EPHA4: variants seen among roughly 807,000 people sequenced by gnomAD.
The protein encoded by EPHA4 is EPH receptor A4.
EPHA4 carries 19 observed loss-of-function variants against 108.3 expected under a neutral mutation model. That is an observed-to-expected ratio of 0.18 (90% CI 0.12 to 0.26). The LOEUF (loss-of-function observed/expected upper bound fraction) is 0.26, where lower values mean the gene tolerates loss of function less well. EPHA4 is among the 10% of genes least tolerant of loss of function. EPHA4 has a pLI of 1.00. For missense variants in EPHA4, 917 were observed against 1,254.0 expected, an observed-to-expected ratio of 0.73 and a Z score of 4.06; for synonymous variants, 449 against 455.5, an observed-to-expected ratio of 0.99 and a Z score of 0.18.
intron 3 of EPHA4, among the ~76,000 whole-genome samples, chr2:221,531,733 C>CTAAT (rs66509429): frequency 7.6e-5 from 1 of 13,104 alleles, no homozygotes; most frequent in African/African-American, 1.4e-3. Flanking sequence ...TACATTCGGC[C>CTAAT]TAATTTCTAT....
At chr2:221,420,804 G>C (rs1689736990) in intron 17 of EPHA4, among the ~76,000 whole-genome samples, 1 of 152,060 alleles carries the variant, frequency 6.6e-6, no homozygotes, top group African/African-American at 2.4e-5. Flanking sequence ...CCATTATATG[G>C]ATGAGGAAAT....
At chr2:221,522,014 C>CA (rs1343601280) in intron 3 of EPHA4, among the ~76,000 whole-genome samples, 2 of 151,988 alleles carry the variant, frequency 1.3e-5, no homozygotes, top group Non-Finnish European at 2.9e-5. Flanking sequence ...AACAAATAAA[C>CA]AAAAAACCCA....
intron 8 of EPHA4, among the ~76,000 whole-genome samples, chr2:221,450,596 A>T (rs1690749814): frequency 6.6e-6 from 1 of 152,068 alleles, no homozygotes; most frequent in Admixed American, 6.6e-5. Context: ...CAACTAACTC[A>T]CCATGTGACC....
chr2:221,560,304 A>C (rs1042726138), intron 3 of EPHA4, among the ~76,000 whole-genome samples: 4 of 152,174 alleles, frequency 2.6e-5, no homozygotes, highest in African/African-American at 9.7e-5. Flanking sequence ...AGAGTTCTGA[A>C]GACTTGGCCA....
chr2:221,441,523 A>G (rs1690428444), intron 11 of EPHA4, among the ~76,000 whole-genome samples: 1 of 152,040 alleles, frequency 6.6e-6, no homozygotes, highest in Admixed American at 6.6e-5. Flanking sequence ...CTTCAAGTCC[A>G]TGTGACCTGA....
intron 5 of EPHA4, among the ~76,000 whole-genome samples, chr2:221,475,595 C>T (rs982458167): frequency 6.6e-6 from 1 of 152,178 alleles, no homozygotes; most frequent in Non-Finnish European, 1.5e-5. Context: ...TGAGATAGTG[C>T]CCATGTTCGC....
rs771092986 is a variant in EPHA4, at chr2:221,430,164, A to G, written c.2497-13T>C. ...TGGCTTTAATCACCTATGGAAGACA[A>G]CAGGATGGTATGTTAAGCTGCCAGG... On this transcript the variant is annotated splice_polypyrimidine_tract_variant and intron_variant, in intron 14 of 17. Transcript: ENST00000281821. 1 of 1,591,084 alleles carries G rather than the reference A, an allele frequency of 6.3e-7. No homozygotes were observed. Among genetic ancestry groups the G allele is most frequent in the South Asian group, 1.1e-5 (1 of 87,322 alleles).
intron 3 of EPHA4, among the ~76,000 whole-genome samples, chr2:221,560,886 C>G (rs1396571893): frequency 1.3e-5 from 2 of 152,162 alleles, no homozygotes; most frequent in Admixed American, 6.5e-5. Context: ...ATCATGATAT[C>G]AAGGATAGGG....
rs1689687436 is a variant in EPHA4, at chr2:221,419,559, T to A, written c.*1813A>T. 6.6e-6 allele frequency: 1 copy of A among 152,624 alleles called. No individual in the cohort carries two copies. The highest frequency in any genetic ancestry group is 1.9e-4 in the East Asian group (1 of 5,198). 9.5% of individuals were successfully genotyped at this position (152,624 alleles called of 1,614,324 possible). On this transcript the variant is annotated 3_prime_UTR_variant, in exon 18 of 18. Coordinates refer to ENST00000281821, the MANE Select transcript of EPHA4 (RefSeq NM_004438.5). ...ATTTGGGGTTACCAGACACATTCCA[T>A]CTCCTTCTCTCTCTCCATCAAGGAA...
chr2:221,566,722 G>T lies in EPHA4; in HGVS notation c.159+1996C>A, dbSNP rs186876071. 7.9e-5 allele frequency among the ~76,000 whole-genome samples: 12 copies of T among 151,010 alleles called. No homozygotes were observed. In the East Asian group the frequency reaches 1.6e-3, roughly 20 times the overall value. ...TTTAAATAGACCTCAAGTCAACCAA[G>T]ATAAGTTTTGTGTCTAGAAAAAGTG... On this transcript the variant is annotated intron_variant, in intron 2 of 17. Coordinates refer to ENST00000281821, the MANE Select transcript of EPHA4 (RefSeq NM_004438.5).
At chr2:221,429,090 A>G (rs1440193969) in intron 15 of EPHA4, among the ~76,000 whole-genome samples, 1 of 152,162 alleles carries the variant, frequency 6.6e-6, no homozygotes, top group African/African-American at 2.4e-5. Context: ...TCAGACTTGG[A>G]GATGAGTGAG....
chr2:221,488,717 T>C (rs552240236), intron 4 of EPHA4, among the ~76,000 whole-genome samples: 1 of 152,276 alleles, frequency 6.6e-6, no homozygotes, highest in Admixed American at 6.5e-5. Context: ...TTATAAAATA[T>C]CACATCATAT....
At chr2:221,509,273 A>G (rs1692733381) in intron 3 of EPHA4, among the ~76,000 whole-genome samples, 1 of 152,244 alleles carries the variant, frequency 6.6e-6, no homozygotes, top group African/African-American at 2.4e-5. Context: ...GGTTGCAGTG[A>G]GCCGAGATCG....
chr2:221,482,540 C>T lies in EPHA4; in HGVS notation c.1130G>A (p.Cys377Tyr). ...GTGGACCCCACTTCCACAGGGTCGG[C>T]ACTTGCTGGGGTCACCAGCTCCACA... ...KKCGAGDPSK[C>Y]RPCGSGVHYT... Residue 377 changes from cysteine to tyrosine, a missense_variant, in exon 5 of 18, where the codon TGC becomes TAC. Coordinates refer to ENST00000281821, the MANE Select transcript of EPHA4 (RefSeq NM_004438.5). 1 of 1,614,078 alleles carries T rather than the reference C, an allele frequency of 6.2e-7. No individual in the cohort carries two copies. The highest frequency in any genetic ancestry group is 8.5e-7 in the Non-Finnish European group (1 of 1,179,994).
chr2:221,573,628 G>GGCGGCCGC (rs1011122839), upstream of EPHA4: 2 of 152,122 alleles, frequency 1.3e-5, no homozygotes, highest in Non-Finnish European at 1.5e-5. The surrounding 1 kb of genome is among the most constrained non-coding windows in gnomAD (Gnocchi z 4.5). Context: ...CCGGCGGCCG[G>GGCGGCCGC]GCGGCCGCTG....
intron 5 of EPHA4, among the ~76,000 whole-genome samples, chr2:221,471,744 T>C (rs1236350302): frequency 6.6e-6 from 1 of 152,194 alleles, no homozygotes; most frequent in Non-Finnish European, 1.5e-5. Context: ...CTGTTCTGTA[T>C]TGGAGTGTAC....
chr2:221,520,941 T>C (rs1276006421), intron 3 of EPHA4, among the ~76,000 whole-genome samples: 1 of 152,232 alleles, frequency 6.6e-6, no homozygotes, highest in African/African-American at 2.4e-5. Context: ...TATTTGCATT[T>C]TGTTAACCAT....
Position 221,465,250 on chromosome 2 carries a change from T to C in EPHA4, c.1319-7260A>G, listed in dbSNP as rs145645502. On this transcript the variant is annotated intron_variant, in intron 5 of 17. Transcript: ENST00000281821. ...ACTAAATGATTCCAGAGTAAGACTT[T>C]GCAAAGTCTGTGATTTGGTTTTTAC... Among the ~76,000 whole-genome samples the C allele has an allele frequency of 2.4e-3, 365 of 152,282 alleles. 1 individual carries two copies. Among genetic ancestry groups the C allele is most frequent in the African/African-American group, 8.1e-3 (338 of 41,560 alleles).
chr2:221,496,310 T>C (rs200156281), intron 4 of EPHA4, among the ~76,000 whole-genome samples: 1 of 151,922 alleles, frequency 6.6e-6, no homozygotes, highest in Non-Finnish European at 1.5e-5. Flanking sequence ...TATATGGCTA[T>C]TGAGCACTCA....
Sources: gnomAD v4.1 joint callset for allele counts (sites outside exome capture counted in the v4.1 genomes callset) on GRCh38, gnomAD v4.1.1 for gene constraint, Gnocchi (gnomAD v3.1) non-coding constraint, MANE v1.5 for transcripts, NCBI Gene and HGNC (gene_info 2026-07-23, HGNC 2026-07-21) for gene names.